Variants in DNAH6 observed in about 807,000 individuals in gnomAD.
DNAH6 encodes the protein dynein axonemal heavy chain 6, also known as axonemal beta dynein heavy chain 6.
In DNAH6, 340 loss-of-function variants were observed where a neutral mutation model predicts 491.4. The observed-to-expected ratio is 0.69, with a 90% CI of 0.63 to 0.76. DNAH6 has a LOEUF of 0.76. Among genes scored for constraint, DNAH6 ranks in the 30% least tolerant of loss-of-function variants. The pLI is 0.00. For missense variants in DNAH6, 4,443 were observed against 4,972.2 expected, an observed-to-expected ratio of 0.89 and a Z score of 3.20; for synonymous variants, 1,603 against 1,686.1, an observed-to-expected ratio of 0.95 and a Z score of 1.21.
chr2:84,664,632 C>G (rs538378763), intron 37 of DNAH6, among the ~76,000 whole-genome samples: 1 of 152,230 alleles, frequency 6.6e-6, no homozygotes, highest in Admixed American at 6.5e-5. Flanking sequence ...GACTTAGACT[C>G]CCACACAATA....
At chr2:84,485,886 T>C in the DNAH6 span, among the ~76,000 whole-genome samples, 1 of 151,682 alleles carries the variant, frequency 6.6e-6, no homozygotes, top group Non-Finnish European at 1.5e-5. Context: ...GCACACAAGA[T>C]GCATTGCTGG....
At chr2:84,478,633 G>A in the DNAH6 span, among the ~76,000 whole-genome samples, 1 of 152,142 alleles carries the variant, frequency 6.6e-6, no homozygotes, top group Non-Finnish European at 1.5e-5. Flanking sequence ...AAAAGCCAAA[G>A]TTGAATACCC....
chr2:84,549,347 G>A (rs1679100285), intron 8 of DNAH6, among the ~76,000 whole-genome samples: 1 of 152,170 alleles, frequency 6.6e-6, no homozygotes, highest in Non-Finnish European at 1.5e-5. Flanking sequence ...AAGTATTAGA[G>A]GCCTTAGAGC....
chr2:84,597,492 TCCACA>T (rs1684711016), intron 18 of DNAH6, among the ~76,000 whole-genome samples: 2 of 152,190 alleles, frequency 1.3e-5, no homozygotes, highest in Non-Finnish European at 2.9e-5. Flanking sequence ...AATTAGAACT[TCCACA>T]TGTTGCTGGT....
chr2:84,474,422 G>A, the DNAH6 span, among the ~76,000 whole-genome samples: 2 of 150,098 alleles, frequency 1.3e-5, no homozygotes, highest in Non-Finnish European at 2.9e-5. Context: ...GGGAGCCAGA[G>A]GCTCAACAAT....
Position 84,593,880 on chromosome 2 carries a change from A to G in DNAH6, c.2611-92A>G, listed in dbSNP as rs7575545. 2,975 of 624,372 alleles carry G rather than the reference A, an allele frequency of 4.8e-3. 73 individuals are homozygous for G. In the African/African-American group the frequency reaches 0.05, roughly 11 times the overall value. The allele number at this position is 624,372 out of a possible 1,614,324, so 38.7% of individuals were successfully genotyped here. ...TTTAGGATGCACATTCTTCCAAGCAATCACTGTACCAAGAATTACTAATAG... is the reference window on the plus strand; with the variant it reads ...TTTAGGATGCACATTCTTCCAAGCAGTCACTGTACCAAGAATTACTAATAG... On this transcript the variant is annotated intron_variant, in intron 16 of 76. Transcript: ENST00000389394.
intron 73 of DNAH6, among the ~76,000 whole-genome samples, chr2:84,812,770 A>C (rs1288526439): frequency 2.6e-5 from 4 of 152,144 alleles, no homozygotes; most frequent in Non-Finnish European, 4.4e-5. Flanking sequence ...GCTCTAATTC[A>C]TGGGACCCCA....
At position 84,541,145 on chromosome 2, in the gene DNAH6, G is replaced by A. The variant is rs138967873; in HGVS notation, c.663-3088G>A. Among the ~76,000 whole-genome samples, 20 of 152,240 alleles carry A rather than the reference G, an allele frequency of 1.3e-4. No individual in the cohort carries two copies. The East Asian group carries it at 3.1e-3, about 24-fold the overall frequency. ...TTGATCCTGAGTGCTAAGAAATGCC[G>A]AGGGAGCAGTCATCATCATAGGAGT... On this transcript the variant is annotated intron_variant, in intron 4 of 76. Coordinates refer to ENST00000389394, the MANE Select transcript of DNAH6 (RefSeq NM_001370.2).
At chr2:84,771,944 C>T (rs1187106355) in intron 64 of DNAH6, among the ~76,000 whole-genome samples, 1 of 152,040 alleles carries the variant, frequency 6.6e-6, no homozygotes, top group African/African-American at 2.4e-5. Context: ...TAAGAATATA[C>T]TTTTGGCTTA....
chr2:84,818,581 G>A (rs976436681), intron 76 of DNAH6, among the ~76,000 whole-genome samples: 6 of 151,164 alleles, frequency 4.0e-5, no homozygotes, highest in African/African-American at 1.2e-4. Context: ...CAGGAAGAGA[G>A]GAATATATTT....
In DNAH6 at chr2:84,681,280, A is replaced by G. The variant is rs1460822562; in HGVS notation, c.6745-77A>G. On this transcript the variant is annotated intron_variant, in intron 41 of 76. Transcript: ENST00000389394. ...TGGCTTTCTATTATTAGAAAACGTTATCATCCGGAGTATTTAAAAGATAGA... is the reference window on the plus strand; with the variant it reads ...TGGCTTTCTATTATTAGAAAACGTTGTCATCCGGAGTATTTAAAAGATAGA... The G allele has an allele frequency of 2.9e-5, 36 of 1,250,174 alleles. No homozygotes were observed. The Middle Eastern group carries it at 1.8e-3, about 63-fold the overall frequency. The allele number at this position is 1,250,174 out of a possible 1,614,324, so 77.4% of individuals were successfully genotyped here.
chr2:84,723,606 T>G (rs908700998), intron 60 of DNAH6, among the ~76,000 whole-genome samples: 6 of 152,224 alleles, frequency 3.9e-5, no homozygotes, highest in African/African-American at 1.4e-4. Context: ...CTTAACCAAA[T>G]TGGTTTATGT....
intron 13 of DNAH6, 117 bp downstream of exon 13, chr2:84,577,525 G>A: frequency 1.4e-6 from 1 of 702,732 alleles, no homozygotes. Context: ...ATTAACATAA[G>A]ACTATTGGAC....
chr2:84,468,548 T>C, the DNAH6 span, among the ~76,000 whole-genome samples: 2 of 152,184 alleles, frequency 1.3e-5, no homozygotes, highest in African/African-American at 2.4e-5. Flanking sequence ...TTACCAAAGA[T>C]AACCTCCCAG....
chr2:84,658,941 GA>G, intron 36 of DNAH6, 84 bp from the exon 37 acceptor site: 1 of 876,800 alleles, frequency 1.1e-6, no homozygotes, highest in Non-Finnish European at 1.7e-6. Context: ...CTAAATGAAA[GA>G]AAAATATCTT....
the DNAH6 span, among the ~76,000 whole-genome samples, chr2:84,506,128 C>G: frequency 6.6e-6 from 1 of 152,226 alleles, no homozygotes; most frequent in African/African-American, 2.4e-5. Flanking sequence ...CCTGAGGAAT[C>G]ACCACACTGT....
At chr2:84,658,201 T>C (rs983985560) in intron 35 of DNAH6, 91 bp from the exon 36 acceptor site, 26 of 845,870 alleles carry the variant, frequency 3.1e-5, no homozygotes, top group Non-Finnish European at 4.1e-5. Context: ...TCACTGAATA[T>C]ATAGAAATAT....
At chr2:84,628,759 C>T (rs1256931348) in intron 29 of DNAH6, among the ~76,000 whole-genome samples, 2 of 151,956 alleles carry the variant, frequency 1.3e-5, no homozygotes, top group African/African-American at 2.4e-5. Flanking sequence ...AATTTGAACA[C>T]GTCCTTTGAT....
At chr2:84,798,981 TTC>T (rs1678616413) in intron 70 of DNAH6, among the ~76,000 whole-genome samples, 2 of 150,700 alleles carry the variant, frequency 1.3e-5, no homozygotes, top group Non-Finnish European at 3.0e-5. Flanking sequence ...TCCTCTTTTT[TTC>T]TTTCCTTTTT....
Sources: gnomAD v4.1 joint callset for allele counts (sites outside exome capture counted in the v4.1 genomes callset) on GRCh38, gnomAD v4.1.1 for gene constraint, MANE v1.5 for transcripts, NCBI Gene and HGNC (gene_info 2026-07-23, HGNC 2026-07-21) for gene names.